The following DAB1 variants were observed in gnomAD, a reference collection of about 807,000 sequenced individuals.
DAB1 encodes the protein disabled homolog 1.
DAB1 carries 15 observed loss-of-function variants against 64.6 expected under a neutral mutation model. That is an observed-to-expected ratio of 0.23 (90% CI 0.16 to 0.36). The LOEUF is 0.36. Among genes scored for constraint, DAB1 ranks in the 10% least tolerant of loss-of-function variants. The probability of loss-of-function intolerance (pLI) is 1.00; values close to 1 mark genes in which losing one functional copy is unlikely to be tolerated. For synonymous variants in DAB1, 235 were observed against 251.9 expected (o/e 0.93, Z 0.64); for missense variants, 596 against 706.7 (o/e 0.84, Z 1.78).
At chr1:57,654,048 T>G (rs1197569672) in intron 6 of DAB1, among the ~76,000 whole-genome samples, 1 of 152,210 alleles carries the variant, frequency 6.6e-6, no homozygotes, top group Non-Finnish European at 1.5e-5. Context: ...TCTTATTGTG[T>G]TTTAGCATGT....
chr1:58,506,037 C>T (rs1177867328), intron 3 of DAB1: 16 of 831,158 alleles, frequency 1.9e-5, no homozygotes, highest in South Asian at 2.9e-5. Flanking sequence ...AATAATGTCC[C>T]GCCTTCTACG....
At chr1:58,126,705 G>A (rs903907936) in intron 5 of DAB1, among the ~76,000 whole-genome samples, 10 of 150,910 alleles carry the variant, frequency 6.6e-5, no homozygotes, top group Non-Finnish European at 1.3e-4. Flanking sequence ...GAGAATATGC[G>A]GTGTTTGGTT....
chr1:58,374,283 G>C (rs1330785479), intron 3 of DAB1, among the ~76,000 whole-genome samples: 2 of 125,394 alleles, frequency 1.6e-5, no homozygotes, highest in Non-Finnish European at 3.4e-5. Context: ...GTAATGCCTA[G>C]GTTTTCTTCT....
chr1:57,888,114 C>T (rs79976812), upstream of DAB1, among the ~76,000 whole-genome samples: 6,067 of 152,126 alleles, frequency 0.04, 429 homozygotes, highest in African/African-American at 0.14. Flanking sequence ...GCCCCGACCA[C>T]GACATTGGAT....
At chr1:57,386,150 G>A (rs778724572) in intron 1 of DAB1, among the ~76,000 whole-genome samples, 6 of 152,082 alleles carry the variant, frequency 3.9e-5, no homozygotes, top group Non-Finnish European at 7.4e-5. Context: ...AGCTTGGCAT[G>A]TAGCAAGGAC....
intron 2 of DAB1, among the ~76,000 whole-genome samples, chr1:57,163,654 A>C (rs1053044014): frequency 3.3e-5 from 5 of 152,120 alleles, no homozygotes; most frequent in Non-Finnish European, 7.4e-5. Context: ...GGAGAAGTAG[A>C]AGCAGGGGCT....
At chr1:57,667,448 G>T (rs1646461328) in intron 6 of DAB1, among the ~76,000 whole-genome samples, 1 of 152,016 alleles carries the variant, frequency 6.6e-6, no homozygotes. Flanking sequence ...TTAATTATTT[G>T]TTTATTGTTT....
intron 5 of DAB1, among the ~76,000 whole-genome samples, chr1:58,060,698 G>A (rs1462095997): frequency 6.6e-6 from 1 of 152,232 alleles, no homozygotes; most frequent in Non-Finnish European, 1.5e-5. Context: ...TGCCTCGAGT[G>A]TTGTAAGTGA....
At chr1:58,220,866 CAT>C (rs10563836) in intron 4 of DAB1, among the ~76,000 whole-genome samples, 53 of 79,724 alleles carry the variant, frequency 6.6e-4, no homozygotes, top group South Asian at 1.5e-3. Flanking sequence ...CACATATATA[CAT>C]ATATACACAC....
At chr1:57,070,858 A>C (rs1651387280) in intron 7 of DAB1, 165 bp downstream of exon 7, 1 of 677,236 alleles carries the variant, frequency 1.5e-6, no homozygotes, top group South Asian at 1.7e-5. Context: ...GTTAGTTTTT[A>C]TGGAAATTTG....
chr1:57,362,188 T>C (rs1297011891), intron 1 of DAB1, among the ~76,000 whole-genome samples: 1 of 152,186 alleles, frequency 6.6e-6, no homozygotes, highest in Non-Finnish European at 1.5e-5. Flanking sequence ...CCTTAACCTA[T>C]GTGAACCTCA....
At chr1:57,517,801 G>C (rs1356025666) in intron 7 of DAB1, among the ~76,000 whole-genome samples, 1 of 152,148 alleles carries the variant, frequency 6.6e-6, no homozygotes, top group African/African-American at 2.4e-5. Context: ...ACAGCTAAGG[G>C]GGCACATTCT....
At chr1:57,691,012 GTTGT>G (rs2101713071) in intron 6 of DAB1, among the ~76,000 whole-genome samples, 1 of 152,152 alleles carries the variant, frequency 6.6e-6, no homozygotes, top group African/African-American at 2.4e-5. Flanking sequence ...TTCCTATACA[GTTGT>G]TTGAGTTCCT....
intron 7 of DAB1, among the ~76,000 whole-genome samples, chr1:57,438,167 G>C (rs148120334): frequency 1.5e-4 from 23 of 152,104 alleles, no homozygotes; most frequent in Admixed American, 5.9e-4. Context: ...AGTTCAGTCA[G>C]TCATTCTTTG....
chr1:57,702,464 A>G lies in DAB1; in HGVS notation n.552-52799T>C, dbSNP rs567735100. ...AGGATGCCATTTCTAGTCCTGCTCCAACTTGTAAAATGTATTCAAATTCTC... is the reference window on the plus strand; with the variant it reads ...AGGATGCCATTTCTAGTCCTGCTCCGACTTGTAAAATGTATTCAAATTCTC... On this transcript the variant is annotated intron_variant and non_coding_transcript_variant, in intron 6 of 20. Coordinates refer to the DAB1 transcript ENST00000485760. Among the ~76,000 whole-genome samples the G allele has an allele frequency of 2.6e-5, 4 of 152,262 alleles. No individual in the cohort carries two copies. The South Asian group carries it at 6.2e-4, about 24-fold the overall frequency.
intron 1 of DAB1, among the ~76,000 whole-genome samples, chr1:57,326,188 C>A (rs566684777): frequency 6.6e-6 from 1 of 152,298 alleles, no homozygotes; most frequent in South Asian, 2.1e-4. Context: ...TCCATAATTT[C>A]CTTTTATATT....
intron 2 of DAB1, among the ~76,000 whole-genome samples, chr1:57,264,665 C>T (rs539224764): frequency 1.3e-5 from 2 of 151,538 alleles, no homozygotes; most frequent in Non-Finnish European, 2.9e-5. Flanking sequence ...GAACATGACG[C>T]CTAAACATTG....
intron 2 of DAB1, among the ~76,000 whole-genome samples, chr1:57,192,335 A>T (rs1664213495): frequency 6.6e-6 from 1 of 152,150 alleles, no homozygotes; most frequent in East Asian, 1.9e-4. Flanking sequence ...GCGGAAAAAA[A>T]AAAAAAAAGA....
chr1:57,378,673 A>C (rs1159111221), intron 1 of DAB1, among the ~76,000 whole-genome samples: 1 of 152,214 alleles, frequency 6.6e-6, no homozygotes, highest in Non-Finnish European at 1.5e-5. Flanking sequence ...TCCGTGCCCA[A>C]ATCAAAGACA....
Sources: allele counts gnomAD v4.1 joint callset (sites outside exome capture counted in the v4.1 genomes callset), GRCh38; gene constraint gnomAD v4.1.1; transcripts MANE v1.5; gene names NCBI Gene and HGNC (gene_info 2026-07-23, HGNC 2026-07-21).